The following DIXDC1 variants were observed in gnomAD, a reference collection of about 807,000 sequenced individuals.
DIXDC1 encodes dixin.
DIXDC1 carries 64 observed loss-of-function variants against 103.1 expected under a neutral mutation model. That is an observed-to-expected ratio of 0.62 (90% CI 0.51 to 0.76). DIXDC1 has a LOEUF of 0.76. DIXDC1 is among the 30% of genes least tolerant of loss of function. The probability of loss-of-function intolerance (pLI) is 0.00; values close to 1 mark genes in which losing one functional copy is unlikely to be tolerated. For missense variants in DIXDC1, 759 were observed against 834.2 expected, an observed-to-expected ratio of 0.91 and a Z score of 1.11; for synonymous variants, 266 against 298.5, an observed-to-expected ratio of 0.89 and a Z score of 1.12.
intron 1 of DIXDC1, among the ~76,000 whole-genome samples, chr11:111,929,467 T>G (rs1214714559): frequency 2.0e-5 from 3 of 151,242 alleles, no homozygotes; most frequent in African/African-American, 7.3e-5. Flanking sequence ...CCTGTGGTCC[T>G]GGATACTTGA....
intron 1 of DIXDC1, among the ~76,000 whole-genome samples, chr11:111,927,875 G>A (rs1965878454): frequency 6.6e-6 from 1 of 151,664 alleles, no homozygotes; most frequent in South Asian, 2.1e-4. Context: ...AATTAGCCAG[G>A]CATGGTGGCA....
intron 17 of DIXDC1, among the ~76,000 whole-genome samples, chr11:111,997,710 CTTT>C (rs200195202): frequency 5.3e-5 from 8 of 152,020 alleles, no homozygotes; most frequent in African/African-American, 1.9e-4. Context: ...TTAGAAATTT[CTTT>C]TTTAAGTACA....
At chr11:111,936,551 G>A (rs1220772016), upstream of DIXDC1, among the ~76,000 whole-genome samples, 1 of 152,136 alleles carries the variant, frequency 6.6e-6, no homozygotes, top group African/African-American at 2.4e-5. Context: ...GAAAAGGCTT[G>A]GTCATCCTTG....
intron 1 of DIXDC1, among the ~76,000 whole-genome samples, chr11:111,939,232 C>T (rs1185419499): frequency 6.6e-6 from 1 of 152,232 alleles, no homozygotes; most frequent in Non-Finnish European, 1.5e-5. Context: ...TGCTCATTTT[C>T]ACTTCGAAAC....
In DIXDC1 at chr11:111,998,397, A is replaced by C. The variant is rs1219704657; in HGVS notation, c.1756+2251A>C. ...TGTGTCCTGGGATTCCATCCAATTG[A>C]AGCCTAAACCTAAGCCTTTTCATAT... On this transcript the variant is annotated intron_variant, in intron 17 of 19. Transcript: ENST00000440460. This position sits in a 1 kb window ranked among gnomAD's most constrained non-coding sequence, Gnocchi z 4.1. 3.3e-5 allele frequency among the ~76,000 whole-genome samples: 5 copies of C among 152,152 alleles called. No homozygotes were observed. In the South Asian group the frequency reaches 1.0e-3, roughly 32 times the overall value.
At chr11:111,988,357 A>C (rs192394472) in intron 9 of DIXDC1, among the ~76,000 whole-genome samples, 118 of 152,282 alleles carry the variant, frequency 7.7e-4, no homozygotes, top group African/African-American at 2.7e-3. Flanking sequence ...CATTTTAGAT[A>C]TGTTAATTGC....
intron 14 of DIXDC1, 55 bp downstream of exon 14, chr11:111,993,795 G>GT: frequency 6.3e-7 from 1 of 1,589,336 alleles, no homozygotes; most frequent in South Asian, 1.1e-5. Context: ...CGGGGAGATT[G>GT]TGTTTCTGAC....
chr11:111,940,637 C>T (rs1052853661), intron 1 of DIXDC1, among the ~76,000 whole-genome samples: 1 of 152,098 alleles, frequency 6.6e-6, no homozygotes, highest in Non-Finnish European at 1.5e-5. Flanking sequence ...TTCATTTATT[C>T]AGTTATTCAT....
In DIXDC1 at chr11:111,969,417, A is replaced by T. The variant is rs371457328; in HGVS notation, c.316+779A>T. Among the ~76,000 whole-genome samples, 25 of 152,206 alleles carry T rather than the reference A, an allele frequency of 1.6e-4. No homozygotes were observed. The East Asian group carries it at 1.7e-3, about 11-fold the overall frequency. On this transcript the variant is annotated intron_variant, in intron 3 of 19. Transcript: ENST00000440460. ...GATACTCATAACCTACATTTTTTCC[A>T]TCTAGTTTTTTAGAAGGGAAATATT...
At position 111,996,061 on chromosome 11, in the gene DIXDC1, T is replaced by C. The variant is rs200856704; in HGVS notation, c.1690-19T>C. 1.1e-3 allele frequency: 1,759 copies of C among 1,612,548 alleles called. 4 individuals carry two copies. Among genetic ancestry groups the C allele is most frequent in the Non-Finnish European group, 1.4e-3 (1,652 of 1,179,204 alleles). ...CTCTCATTGATCATAACTCTTGTGA[T>C]TTTTGTGTGGCTCCCCAGGTTCGGG... is the stretch of plus-strand genomic sequence containing the variant. On this transcript the variant is annotated intron_variant, in intron 16 of 19. Coordinates refer to ENST00000440460, the MANE Select transcript of DIXDC1 (RefSeq NM_001037954.4).
chr11:111,978,374 T>C (rs1860187825), intron 5 of DIXDC1, among the ~76,000 whole-genome samples: 1 of 152,154 alleles, frequency 6.6e-6, no homozygotes, highest in Non-Finnish European at 1.5e-5. Context: ...GGTACTTCTT[T>C]AGGGAGGCAG....
intron 1 of DIXDC1, among the ~76,000 whole-genome samples, chr11:111,961,125 A>C (rs1859563365): frequency 6.6e-6 from 1 of 152,198 alleles, no homozygotes. Flanking sequence ...GGAGCCCAGG[A>C]GTTTGCAGGA....
intron 3 of DIXDC1, among the ~76,000 whole-genome samples, chr11:111,969,918 A>AGG: frequency 6.6e-6 from 1 of 152,208 alleles, no homozygotes; most frequent in East Asian, 1.9e-4. Flanking sequence ...GAGAAGAAAA[A>AGG]GTTAAACTAT....
At position 111,977,334 on chromosome 11, in the gene DIXDC1, T is replaced by A. The variant is rs868930218; in HGVS notation, c.656+2351T>A. On this transcript the variant is annotated intron_variant, in intron 5 of 19. Transcript: ENST00000440460. The surrounding 1 kb of genome is among the most constrained non-coding windows in gnomAD (Gnocchi z 6.1). ...ATCCGGAAGGTGGCACGGAGTGGGA[T>A]CGCCGCTGGGGACTCGAGGCGCAGC... 13 of 1,054,492 alleles carry A rather than the reference T, an allele frequency of 1.2e-5. No homozygotes were observed. The highest frequency in any genetic ancestry group is 4.5e-4 in the Middle Eastern group (1 of 2,208). 65.3% of individuals were successfully genotyped at this position (1,054,492 alleles called of 1,614,324 possible).
chr11:111,963,416 C>T (rs143704713), intron 1 of DIXDC1, among the ~76,000 whole-genome samples: 8 of 152,250 alleles, frequency 5.3e-5, no homozygotes, highest in African/African-American at 9.6e-5. Flanking sequence ...TATTTATTCT[C>T]ACAAATTGAC....
chr11:111,964,124 T>G (rs1859654610), intron 1 of DIXDC1, among the ~76,000 whole-genome samples: 1 of 152,154 alleles, frequency 6.6e-6, no homozygotes, highest in African/African-American at 2.4e-5. Flanking sequence ...AGTATCAGAG[T>G]CTGTTATGCA....
chr11:112,017,678 G>T lies in DIXDC1; in HGVS notation c.1863-99G>T. 1 of 960,948 alleles carries T rather than the reference G, an allele frequency of 1.0e-6. No homozygotes were observed. 59.5% of individuals were successfully genotyped at this position (960,948 alleles called of 1,614,324 possible). ...AGTGACCTAACAAGGGGCTATTTCT[G>T]CTTATTGACTTTGGCAGGGGGCTGT... is the stretch of plus-strand genomic sequence containing the variant. On this transcript the variant is annotated intron_variant, in intron 18 of 19. Coordinates refer to ENST00000440460, the MANE Select transcript of DIXDC1 (RefSeq NM_001037954.4). The surrounding 1 kb of genome is among the most constrained non-coding windows in gnomAD (Gnocchi z 4.0).
chr11:111,956,604 C>T (rs1555170594), intron 1 of DIXDC1, among the ~76,000 whole-genome samples: 1 of 152,138 alleles, frequency 6.6e-6, no homozygotes, highest in African/African-American at 2.4e-5. Context: ...ATTCTCCTGC[C>T]TCAGCCTCCA....
At chr11:112,011,270 G>A (rs1454275158) in intron 17 of DIXDC1, among the ~76,000 whole-genome samples, 2 of 152,202 alleles carry the variant, frequency 1.3e-5, no homozygotes, top group Non-Finnish European at 2.9e-5. Context: ...TCTCACACCA[G>A]TTAGAGTGGC....
Sources: allele counts gnomAD v4.1 joint callset (sites outside exome capture counted in the v4.1 genomes callset), GRCh38; gene constraint gnomAD v4.1.1; non-coding constraint Gnocchi (gnomAD v3.1); transcripts MANE v1.5; gene names NCBI Gene and HGNC (gene_info 2026-07-23, HGNC 2026-07-21).